Variants in PIP5K1B observed in about 807,000 individuals in gnomAD.
PIP5K1B encodes phosphatidylinositol-4-phosphate 5-kinase type 1 beta.
Under a neutral mutation model 67.0 loss-of-function variants are expected in PIP5K1B, and 42 were observed. The ratio of observed to expected loss-of-function variants is 0.63; its 90% CI spans 0.49 to 0.81. The LOEUF is 0.81. Among genes scored for constraint, PIP5K1B ranks in the 30% least tolerant of loss-of-function variants. The probability of loss-of-function intolerance (pLI) is 0.00; values close to 1 mark genes in which losing one functional copy is unlikely to be tolerated. For synonymous variants in PIP5K1B, 214 were observed against 231.4 expected (o/e 0.92, Z 0.68); for missense variants, 459 against 646.3 (o/e 0.71, Z 3.14).
At chr9:68,920,949 A>T (rs759821538) in intron 11 of PIP5K1B, among the ~76,000 whole-genome samples, 9 of 152,148 alleles carry the variant, frequency 5.9e-5, no homozygotes, top group Non-Finnish European at 1.2e-4. Flanking sequence ...TTGGTCACAC[A>T]TTTCCTTTTA....
intron 14 of PIP5K1B, among the ~76,000 whole-genome samples, chr9:68,960,054 A>G (rs915318278): frequency 4.6e-5 from 7 of 152,214 alleles, no homozygotes; most frequent in African/African-American, 1.7e-4. Context: ...TGCAGAGCAC[A>G]TCCCCCAGTA....
chr9:68,993,753 T>TTCATGCCACTTTCATGTGTC (rs1830480561), intron 15 of PIP5K1B, among the ~76,000 whole-genome samples: 2 of 152,152 alleles, frequency 1.3e-5, no homozygotes, highest in Non-Finnish European at 1.5e-5. Flanking sequence ...GAGCTAAGGA[T>TTCATGCCACTTTCATGTGTC]TCATGCCACT....
chr9:68,894,325 T>G lies in PIP5K1B; in HGVS notation c.472-14T>G, dbSNP rs758957636. ...AGAAGATTGTAAATATATTTTTCTT[T>G]TTTTGGTTTCTAGAATTTAAACCAG... On this transcript the variant is annotated splice_polypyrimidine_tract_variant and intron_variant, in intron 7 of 15. Coordinates refer to ENST00000265382, the MANE Select transcript of PIP5K1B (RefSeq NM_003558.4). The G allele has an allele frequency of 2.6e-6, 4 of 1,548,722 alleles. No individual in the cohort carries two copies. The East Asian group carries it at 9.0e-5, about 35-fold the overall frequency.
chr9:68,845,104 C>CT (rs1173375309), intron 4 of PIP5K1B, among the ~76,000 whole-genome samples: 1 of 152,192 alleles, frequency 6.6e-6, no homozygotes, highest in Admixed American at 6.5e-5. Context: ...TGGCAATTCT[C>CT]TAAGCCAGCT....
intron 2 of PIP5K1B, among the ~76,000 whole-genome samples, chr9:68,746,444 A>G (rs537041830): frequency 2.6e-5 from 4 of 152,110 alleles, no homozygotes; most frequent in African/African-American, 7.2e-5. Flanking sequence ...TCTGTTCATC[A>G]TCATCTCCCC....
At chr9:68,728,960 G>A (rs1009813464) in intron 1 of PIP5K1B, 1 of 152,212 alleles carries the variant, frequency 6.6e-6, no homozygotes, top group African/African-American at 2.4e-5. Context: ...TGCATTCATT[G>A]TACTCATAGG....
chr9:68,915,504 T>C (rs533059752), intron 8 of PIP5K1B, among the ~76,000 whole-genome samples: 1 of 152,306 alleles, frequency 6.6e-6, no homozygotes, highest in South Asian at 2.1e-4. Context: ...CCATGGTCTG[T>C]GCTACTGTAT....
chr9:68,999,868 C>T (rs931955540), intron 15 of PIP5K1B, among the ~76,000 whole-genome samples: 1 of 152,170 alleles, frequency 6.6e-6, no homozygotes, highest in Non-Finnish European at 1.5e-5. Context: ...AGAGTTGAAA[C>T]GTAATGAAGA....
At chr9:68,892,573 C>G (rs1453785679) in intron 7 of PIP5K1B, among the ~76,000 whole-genome samples, 2 of 152,130 alleles carry the variant, frequency 1.3e-5, no homozygotes, top group Admixed American at 1.3e-4. Flanking sequence ...ATTAAATTCT[C>G]TATTTCAGAT....
intron 13 of PIP5K1B, 152 bp from the exon 14 acceptor site, chr9:68,940,494 G>A: frequency 1.5e-6 from 1 of 655,522 alleles, no homozygotes; most frequent in Non-Finnish European, 2.6e-6. Flanking sequence ...CATTTCTGCT[G>A]TAATTCAGAA....
At chr9:68,902,339 G>A in intron 8 of PIP5K1B, among the ~76,000 whole-genome samples, 1 of 152,070 alleles carries the variant, frequency 6.6e-6, no homozygotes, top group Non-Finnish European at 1.5e-5. Context: ...ATCTTTTCGA[G>A]AATGCTGTAT....
At chr9:69,007,084 G>A (rs1831118985) in intron 15 of PIP5K1B, among the ~76,000 whole-genome samples, 1 of 152,154 alleles carries the variant, frequency 6.6e-6, no homozygotes, top group Admixed American at 6.5e-5. Flanking sequence ...ACCATGTTGT[G>A]CATTTAGCCA....
intron 2 of PIP5K1B, among the ~76,000 whole-genome samples, chr9:68,772,941 C>A (rs1442331544): frequency 6.6e-6 from 1 of 152,054 alleles, no homozygotes; most frequent in Non-Finnish European, 1.5e-5. Context: ...TTATGGACAC[C>A]ATATTATTTT....
At chr9:68,803,237 A>G (rs1587475942) in intron 2 of PIP5K1B, among the ~76,000 whole-genome samples, 1 of 152,332 alleles carries the variant, frequency 6.6e-6, no homozygotes. Flanking sequence ...TTAAATTTAT[A>G]GTGCCTGCGA....
chr9:68,873,488 A>G (rs1339003610), intron 5 of PIP5K1B, among the ~76,000 whole-genome samples: 2 of 151,874 alleles, frequency 1.3e-5, no homozygotes, highest in East Asian at 1.9e-4. Context: ...GGGTTTCACC[A>G]TGTTACCCAG....
intron 2 of PIP5K1B, among the ~76,000 whole-genome samples, chr9:68,792,085 G>A (rs558320193): frequency 2.6e-5 from 4 of 152,286 alleles, no homozygotes; most frequent in South Asian, 2.1e-4. Context: ...CTACAACCAC[G>A]GTCAGTTAGG....
Position 68,863,866 on chromosome 9 carries a change from T to C in PIP5K1B, c.99T>C (p.Ile33=). 6.2e-7 allele frequency: 1 copy of C among 1,613,892 alleles called. No individual in the cohort carries two copies. The highest frequency in any genetic ancestry group is 8.5e-7 in the Non-Finnish European group (1 of 1,179,786). ...CATCATCTGCTATTAAAGGTGCTATTCAGCTGGGAATAGGATACACAGTGG... is the reference window on the plus strand; with the variant it reads ...CATCATCTGCTATTAAAGGTGCTATCCAGCTGGGAATAGGATACACAGTGG... ...KTASSAIKGA[I]QLGIGYTVGN... The change falls in exon 5 of 16, where the codon ATT becomes ATC. Residue 33 remains isoleucine (I), a synonymous_variant. Transcript: ENST00000265382.
chr9:68,707,321 C>G (rs1284183825), intron 1 of PIP5K1B, among the ~76,000 whole-genome samples: 2 of 152,184 alleles, frequency 1.3e-5, no homozygotes, highest in East Asian at 3.8e-4. Flanking sequence ...CAGTGTCTTG[C>G]AATTTGTAAA....
At chr9:68,785,179 G>T (rs547471814) in intron 2 of PIP5K1B, among the ~76,000 whole-genome samples, 88 of 152,320 alleles carry the variant, frequency 5.8e-4, no homozygotes, top group African/African-American at 1.9e-3. Flanking sequence ...CCCAGTGTGT[G>T]AAGTAGTTAA....
Sources: gnomAD v4.1 joint callset for allele counts (sites outside exome capture counted in the v4.1 genomes callset) on GRCh38, gnomAD v4.1.1 for gene constraint, MANE v1.5 for transcripts, NCBI Gene and HGNC (gene_info 2026-07-23, HGNC 2026-07-21) for gene names.